The following DCDC2 variants were observed in gnomAD, a reference collection of about 807,000 sequenced individuals.
DCDC2 encodes the protein doublecortin domain-containing protein 2.
In DCDC2, 40 loss-of-function variants were observed where a neutral mutation model predicts 50.2. The observed-to-expected ratio is 0.80, with a 90% CI of 0.62 to 1.04. The LOEUF (loss-of-function observed/expected upper bound fraction) is 1.04. Ranked by LOEUF, DCDC2 falls within the 50% of genes least tolerant of loss-of-function variation. The probability of loss-of-function intolerance (pLI) is 0.00; values close to 1 mark genes in which losing one functional copy is unlikely to be tolerated. For missense variants in DCDC2, 570 were observed against 581.9 expected, an observed-to-expected ratio of 0.98 and a Z score of 0.21; for synonymous variants, 234 against 210.6, an observed-to-expected ratio of 1.11 and a Z score of -0.96.
chr6:24,283,710 T>C (rs577060859), intron 6 of DCDC2, among the ~76,000 whole-genome samples: 1 of 152,290 alleles, frequency 6.6e-6, no homozygotes, highest in African/African-American at 2.4e-5. Context: ...TGCATTCTCC[T>C]GGGAACCAAT....
chr6:24,192,609 T>A (rs965598415), intron 8 of DCDC2, among the ~76,000 whole-genome samples: 2 of 151,754 alleles, frequency 1.3e-5, no homozygotes, highest in African/African-American at 2.4e-5. Context: ...AAGAACAGGA[T>A]GCTAAAAAAG....
intron 8 of DCDC2, among the ~76,000 whole-genome samples, chr6:24,185,688 T>C (rs867855161): frequency 3.7e-4 from 54 of 144,464 alleles, no homozygotes; most frequent in African/African-American, 4.6e-4. Flanking sequence ...TCCATACACA[T>C]ACACACACAC....
At position 24,213,595 on chromosome 6, in the gene DCDC2, C is replaced by T. The variant is rs904204630; in HGVS notation, c.923-8493G>A. 2.6e-5 allele frequency among the ~76,000 whole-genome samples: 4 copies of T among 152,250 alleles called. No individual in the cohort carries two copies. The East Asian group carries it at 5.8e-4, about 22-fold the overall frequency. On this transcript the variant is annotated intron_variant, in intron 7 of 9. Coordinates refer to ENST00000378454, the MANE Select transcript of DCDC2 (RefSeq NM_016356.5). ...CATTAGCTTAGTCTGATGTGAACTA[C>T]ATTCACATGTGAAATATATTGAATT... is the stretch of plus-strand genomic sequence containing the variant.
At chr6:24,275,021 A>G (rs1414960315) in intron 7 of DCDC2, among the ~76,000 whole-genome samples, 1 of 149,348 alleles carries the variant, frequency 6.7e-6, no homozygotes, top group Non-Finnish European at 1.5e-5. Flanking sequence ...TTTTATCTCT[A>G]AAACCAAATT....
chr6:24,335,332 AGAG>A (rs1224613991), intron 2 of DCDC2, among the ~76,000 whole-genome samples: 5 of 152,320 alleles, frequency 3.3e-5, no homozygotes, highest in South Asian at 2.1e-4. Context: ...CTCCTCCTGA[AGAG>A]GAGGAGTGTA....
chr6:24,243,778 C>A (rs569875754), intron 7 of DCDC2, among the ~76,000 whole-genome samples: 280 of 152,176 alleles, frequency 1.8e-3, no homozygotes, highest in African/African-American at 6.5e-3. Flanking sequence ...GTGGTTCTGG[C>A]CTTCAGGATC....
At chr6:24,203,569 G>C (rs543885250) in intron 8 of DCDC2, among the ~76,000 whole-genome samples, 3 of 152,272 alleles carry the variant, frequency 2.0e-5, no homozygotes, top group Admixed American at 2.0e-4. Context: ...TCAGGACATA[G>C]GCATGGGAAA....
At chr6:24,180,654 C>G (rs1397114249) in intron 8 of DCDC2, among the ~76,000 whole-genome samples, 2 of 152,064 alleles carry the variant, frequency 1.3e-5, no homozygotes, top group Non-Finnish European at 2.9e-5. Flanking sequence ...TTGCCTCTTT[C>G]TAGCTACCTG....
chr6:24,238,152 GGAAT>G lies in DCDC2; in HGVS notation c.923-33054_923-33051del, dbSNP rs1294025606. Among the ~76,000 whole-genome samples, 11 of 35,704 alleles carry G rather than the reference GGAAT, an allele frequency of 3.1e-4. 5 individuals are homozygous for G. The highest frequency in any genetic ancestry group is 5.2e-4 in the Non-Finnish European group (9 of 17,436). 23.4% of individuals were successfully genotyped at this position (35,704 alleles called of 152,430 possible). ...AGGAAAGGAGGAAGGGATGCAGGGA[GGAAT>G]GGAGGGAGGAATGGAGGGAGGGAGG... On this transcript the variant is annotated intron_variant, in intron 7 of 9. Coordinates refer to ENST00000378454, the MANE Select transcript of DCDC2 (RefSeq NM_016356.5).
intron 5 of DCDC2, among the ~76,000 whole-genome samples, chr6:24,289,839 C>T (rs1417356244): frequency 3.9e-5 from 6 of 152,016 alleles, no homozygotes; most frequent in Non-Finnish European, 7.4e-5. Flanking sequence ...TCTACTTCTG[C>T]GGACGACAAC....
intron 7 of DCDC2, among the ~76,000 whole-genome samples, chr6:24,210,778 C>T (rs1000062307): frequency 5.9e-5 from 9 of 152,228 alleles, no homozygotes; most frequent in Admixed American, 5.9e-4. Context: ...ATTGTTCCAT[C>T]ACATATACAA....
At chr6:24,370,014 A>T in the DCDC2 span, among the ~76,000 whole-genome samples, 1 of 152,168 alleles carries the variant, frequency 6.6e-6, no homozygotes, top group African/African-American at 2.4e-5. Context: ...ACTGCCCTGC[A>T]GCCTGAGTGG....
chr6:24,255,320 T>A (rs1324358117), intron 7 of DCDC2, among the ~76,000 whole-genome samples: 1 of 150,732 alleles, frequency 6.6e-6, no homozygotes, highest in Non-Finnish European at 1.5e-5. Flanking sequence ...AGACAGATTG[T>A]AACTTTAACA....
At chr6:24,368,017 A>C in the DCDC2 span, among the ~76,000 whole-genome samples, 2 of 152,196 alleles carry the variant, frequency 1.3e-5, no homozygotes, top group East Asian at 3.8e-4. Flanking sequence ...TTAAAATTTA[A>C]AACTCAATGA....
upstream of DCDC2, among the ~76,000 whole-genome samples, chr6:24,359,814 T>C (rs1407201756): frequency 3.9e-5 from 6 of 152,124 alleles, no homozygotes; most frequent in African/African-American, 1.2e-4. Context: ...AAGACTCGCG[T>C]GTCTAGGACC....
chr6:24,269,720 CTG>C (rs951969979), intron 7 of DCDC2, among the ~76,000 whole-genome samples: 1 of 152,034 alleles, frequency 6.6e-6, no homozygotes, highest in Non-Finnish European at 1.5e-5. Flanking sequence ...GTTTAAGTAA[CTG>C]TTTTAAAAAA....
chr6:24,181,594 A>G (rs1372122434), intron 8 of DCDC2, among the ~76,000 whole-genome samples: 1 of 152,232 alleles, frequency 6.6e-6, no homozygotes, highest in Non-Finnish European at 1.5e-5. Flanking sequence ...AATAGCATCA[A>G]AAGGAATAAA....
intron 1 of DCDC2, among the ~76,000 whole-genome samples, chr6:24,355,123 C>T (rs530366974): frequency 3.1e-4 from 47 of 152,238 alleles, no homozygotes; most frequent in African/African-American, 9.4e-4. Context: ...TTCTTTAACA[C>T]AAATAAAATA....
At chr6:24,190,027 C>T (rs539553518) in intron 8 of DCDC2, among the ~76,000 whole-genome samples, 1 of 147,136 alleles carries the variant, frequency 6.8e-6, no homozygotes, top group Admixed American at 6.8e-5. Context: ...TTTATGATGG[C>T]AAAGTACCAC....
Sources: allele counts gnomAD v4.1 joint callset (sites outside exome capture counted in the v4.1 genomes callset), GRCh38; gene constraint gnomAD v4.1.1; transcripts MANE v1.5; gene names NCBI Gene and HGNC (gene_info 2026-07-23, HGNC 2026-07-21).